The following ABCC4 variants were observed in gnomAD, a reference collection of about 807,000 sequenced individuals.
ABCC4 encodes ATP-binding cassette sub-family C member 4.
A neutral mutation model predicts 168.5 loss-of-function variants in ABCC4; 102 were observed. The observed-to-expected ratio is 0.61, with a 90% CI of 0.52 to 0.71. The LOEUF is 0.71. ABCC4 is among the 30% of genes least tolerant of loss of function. The pLI is 0.00. For missense variants in ABCC4, 1,402 were observed against 1,605.8 expected (o/e 0.87, Z 2.17); for synonymous variants, 617 against 590.7 (o/e 1.04, Z -0.65).
chr13:95,247,939 C>CACACACACACACACACACACAG (rs1491082478), intron 1 of ABCC4, among the ~76,000 whole-genome samples, 186 bp from the exon 2 acceptor site: 1 of 151,892 alleles, frequency 6.6e-6, no homozygotes, highest in African/African-American at 2.4e-5. Context: ...CACACACACA[C>CACACACACACACACACACACAG]AGTCCCTAGC....
intron 10 of ABCC4, among the ~76,000 whole-genome samples, chr13:95,187,525 C>T (rs530439461): frequency 6.6e-6 from 1 of 152,278 alleles, no homozygotes; most frequent in South Asian, 2.1e-4. Flanking sequence ...ATCACTTGAA[C>T]CTAGGGAAAT....
intron 10 of ABCC4, 134 bp from the exon 11 acceptor site, chr13:95,187,026 G>T: frequency 1.4e-6 from 1 of 713,494 alleles, no homozygotes; most frequent in Non-Finnish European, 2.1e-6. Flanking sequence ...AGGAAGTTGT[G>T]ATTAAAAATT....
At chr13:95,103,260 G>A (rs564237706) in intron 20 of ABCC4, among the ~76,000 whole-genome samples, 5 of 152,126 alleles carry the variant, frequency 3.3e-5, no homozygotes, top group South Asian at 2.1e-4. Flanking sequence ...GCGAGACTCC[G>A]TCTCAAAAAC....
intron 13 of ABCC4, among the ~76,000 whole-genome samples, chr13:95,170,959 C>T (rs1303612743): frequency 6.6e-6 from 1 of 151,642 alleles, no homozygotes; most frequent in Non-Finnish European, 1.5e-5. Flanking sequence ...TGTAGGATTG[C>T]AGGGGAGAAA....
chr13:95,287,156 G>A (rs138657520), intron 1 of ABCC4, among the ~76,000 whole-genome samples: 1,844 of 151,884 alleles, frequency 0.012, 19 homozygotes, highest in Non-Finnish European at 0.02. Flanking sequence ...AAATTAGCCC[G>A]GTATGGTAGC....
chr13:95,263,414 G>GTA (rs752580290), intron 1 of ABCC4, among the ~76,000 whole-genome samples: 173 of 152,150 alleles, frequency 1.1e-3, no homozygotes, highest in African/African-American at 1.3e-3. Flanking sequence ...ATATGTGTGT[G>GTA]TATATATATA....
At chr13:95,191,598 G>A (rs1040573094) in intron 9 of ABCC4, among the ~76,000 whole-genome samples, 3 of 152,254 alleles carry the variant, frequency 2.0e-5, no homozygotes, top group East Asian at 1.9e-4. Context: ...GCTTGACTTC[G>A]CCTTACTATA....
At chr13:95,213,099 C>A (rs1207597885) in intron 4 of ABCC4, among the ~76,000 whole-genome samples, 1 of 149,140 alleles carries the variant, frequency 6.7e-6, no homozygotes, top group African/African-American at 2.5e-5. Flanking sequence ...TACACTCCAG[C>A]TTCGGCGACT....
At chr13:95,223,691 A>G (rs1027959404) in intron 4 of ABCC4, among the ~76,000 whole-genome samples, 1 of 152,098 alleles carries the variant, frequency 6.6e-6, no homozygotes, top group African/African-American at 2.4e-5. Context: ...TAGTAGAGAT[A>G]GGGTTTCACC....
chr13:95,258,837 A>G (rs2040456657), intron 1 of ABCC4, among the ~76,000 whole-genome samples: 1 of 152,224 alleles, frequency 6.6e-6, no homozygotes, highest in Non-Finnish European at 1.5e-5. Flanking sequence ...CACTCAATAA[A>G]TCATTTATTA....
At chr13:95,094,467 T>G (rs768690607) in intron 20 of ABCC4, among the ~76,000 whole-genome samples, 1 of 152,128 alleles carries the variant, frequency 6.6e-6, no homozygotes, top group African/African-American at 2.4e-5. Flanking sequence ...GCTAGCCACA[T>G]GTAGGAGAAT....
intron 20 of ABCC4, among the ~76,000 whole-genome samples, chr13:95,113,973 T>C (rs1377194683): frequency 2.6e-5 from 4 of 152,202 alleles, no homozygotes; most frequent in Non-Finnish European, 4.4e-5. Context: ...GGAAGCCTTA[T>C]TAAAGACACC....
rs2033163283 is a variant in ABCC4, at chr13:95,058,594, A to AAAAAAG, written c.3366+4109_3366+4110insCTTTTT. Among the ~76,000 whole-genome samples, 60 of 41,390 alleles carry AAAAAAG rather than the reference A, an allele frequency of 1.4e-3. 2 individuals are homozygous for AAAAAAG. The highest frequency in any genetic ancestry group is 3.0e-3 in the South Asian group (2 of 660). The allele number at this position is 41,390 out of a possible 152,430, so 27.2% of individuals were successfully genotyped here. On this transcript the variant is annotated intron_variant, in intron 26 of 30. Transcript: ENST00000645237. ...AAAAAAAAAAAAAAAAAAAAAAAAGAAAAGAAAAAGAAAAAGAAAAGAAAA... is the reference window on the plus strand; with the variant it reads ...AAAAAAAAAAAAAAAAAAAAAAAAGAAAAAAGAAAGAAAAAGAAAAAGAAAAGAAAA...
chr13:95,079,052 A>G (rs983584434), intron 21 of ABCC4, among the ~76,000 whole-genome samples: 1 of 152,218 alleles, frequency 6.6e-6, no homozygotes, highest in African/African-American at 2.4e-5. Context: ...ACCAAGGTAT[A>G]GCAGGAATTT....
In ABCC4 at chr13:95,286,736, C is replaced by T. The variant is rs541215692; in HGVS notation, c.74+14505G>A. Among the ~76,000 whole-genome samples the T allele has an allele frequency of 4.0e-5, 6 of 151,606 alleles. No individual in the cohort carries two copies. The South Asian group carries it at 1.3e-3, about 32-fold the overall frequency. On this transcript the variant is annotated intron_variant, in intron 1 of 30. Transcript: ENST00000645237. ...CTTTAGAAGGCTGAGGCAGGTGGAT[C>T]ACCTGAGGTCAGGAGTTCGAGACCA... is the stretch of plus-strand genomic sequence containing the variant.
intron 11 of ABCC4, among the ~76,000 whole-genome samples, chr13:95,183,485 A>G (rs1157639797): frequency 1.3e-5 from 2 of 152,200 alleles, no homozygotes; most frequent in African/African-American, 4.8e-5. Context: ...GGTTTCTTCC[A>G]GTCCCCTGCT....
In ABCC4 at chr13:95,166,362, T is replaced by C; in HGVS notation, c.1830A>G (p.Lys610=). 6.2e-7 allele frequency: 1 copy of C among 1,610,792 alleles called. No individual in the cohort carries two copies. The change falls in exon 15 of 31, where the codon AAA becomes AAG. Residue 610 remains lysine, a synonymous_variant. Transcript: ENST00000645237. ...ASQILILKDG[K]MVQKGTYTEF... ...CAGTGTAAGTCCCCTTCTGCACCAT[T>C]TTACCCTAAAATAAAAATAAAGAAT...
chr13:95,151,626 A>G (rs148676561), intron 19 of ABCC4, among the ~76,000 whole-genome samples: 6 of 147,400 alleles, frequency 4.1e-5, no homozygotes, highest in African/African-American at 7.9e-5. Flanking sequence ...GAAGAAGGAG[A>G]AGAAGGAGGA....
intron 14 of ABCC4, 35 bp from the exon 15 acceptor site, chr13:95,166,402 T>C: frequency 1.3e-6 from 2 of 1,539,846 alleles, no homozygotes; most frequent in South Asian, 1.1e-5. Flanking sequence ...GAGAGATACA[T>C]GTGCAGGTGA....
Sources: allele counts gnomAD v4.1 joint callset (sites outside exome capture counted in the v4.1 genomes callset), GRCh38; gene constraint gnomAD v4.1.1; transcripts MANE v1.5; gene names NCBI Gene and HGNC (gene_info 2026-07-23, HGNC 2026-07-21).